Variants in PHKB observed in about 807,000 individuals in gnomAD.
The protein encoded by PHKB is phosphorylase kinase regulatory subunit beta.
Under a neutral mutation model 152.1 loss-of-function variants are expected in PHKB, and 122 were observed. The observed-to-expected ratio is 0.80, with a 90% CI of 0.69 to 0.93. The LOEUF (loss-of-function observed/expected upper bound fraction) is 0.93, where lower values mean the gene tolerates loss of function less well. PHKB is among the 40% of genes least tolerant of loss of function. PHKB has a pLI of 0.00. For missense variants in PHKB, 1,304 were observed against 1,328.4 expected, an observed-to-expected ratio of 0.98 and a Z score of 0.29; for synonymous variants, 436 against 464.9, an observed-to-expected ratio of 0.94 and a Z score of 0.80.
At chr16:47,479,429 C>G (rs751144732) in intron 1 of PHKB, among the ~76,000 whole-genome samples, 5 of 152,010 alleles carry the variant, frequency 3.3e-5, no homozygotes, top group Admixed American at 6.6e-5. Context: ...ATCTCACACC[C>G]TCTCTTCTTC....
At chr16:47,491,087 A>G (rs140764697) in intron 1 of PHKB, among the ~76,000 whole-genome samples, 1 of 152,326 alleles carries the variant, frequency 6.6e-6, no homozygotes, top group African/African-American at 2.4e-5. Flanking sequence ...ATGTGTTTTA[A>G]TGGTACCTCC....
At position 47,664,973 on chromosome 16, in the gene PHKB, C is replaced by T. The variant is rs763953566; in HGVS notation, c.2425C>T (p.Gln809Ter). ...TACTACTTTTCTGGTACATGGGAAA[C>T]AGGTAACATGCACAGAATTTGAAAA... ...HITTFLVHGK[Q>*]VTLGAFGHEE... Residue 809 changes from glutamine (Q) to a stop codon, truncating the protein, a stop_gained and splice_region_variant, in exon 25 of 31, where the codon CAG becomes TAG. Coordinates refer to ENST00000323584, the MANE Select transcript of PHKB (RefSeq NM_000293.3). LOFTEE classifies it high-confidence loss of function. 6.2e-7 allele frequency: 1 copy of T among 1,600,420 alleles called. No individual in the cohort carries two copies. Among genetic ancestry groups the T allele is most frequent in the Non-Finnish European group, 8.6e-7 (1 of 1,167,568 alleles).
chr16:47,546,851 C>T (rs1050075862), intron 6 of PHKB, among the ~76,000 whole-genome samples: 11 of 152,134 alleles, frequency 7.2e-5, no homozygotes, highest in Admixed American at 4.6e-4. Context: ...CCGTGCAGTT[C>T]GATCTCGGAC....
chr16:47,471,072 A>G (rs2342693), intron 1 of PHKB, among the ~76,000 whole-genome samples: 150,379 of 152,288 alleles, frequency 0.99, 74,270 homozygotes, highest in East Asian at 1. Context: ...TTAAGTGGTT[A>G]CTTAACACCA....
intron 14 of PHKB, among the ~76,000 whole-genome samples, chr16:47,617,239 AAT>A (rs1267990913): frequency 6.8e-6 from 1 of 147,986 alleles, no homozygotes; most frequent in Non-Finnish European, 1.5e-5. Flanking sequence ...ATGTATATAA[AAT>A]ATATAATATT....
intron 14 of PHKB, among the ~76,000 whole-genome samples, chr16:47,616,127 C>G (rs1009446499): frequency 3.3e-5 from 5 of 151,990 alleles, no homozygotes; most frequent in African/African-American, 1.2e-4. Flanking sequence ...GATTATCATT[C>G]CAGTTTCTTC....
chr16:47,549,207 A>G (rs1173501299), intron 7 of PHKB, among the ~76,000 whole-genome samples: 2 of 152,226 alleles, frequency 1.3e-5, no homozygotes, highest in African/African-American at 2.4e-5. Context: ...TAAGTTCTCA[A>G]CATTCCAGAT....
chr16:47,530,083 AC>A (rs926575447), intron 6 of PHKB, among the ~76,000 whole-genome samples: 1 of 150,854 alleles, frequency 6.6e-6, no homozygotes, highest in African/African-American at 2.4e-5. Context: ...TTAGAATCAG[AC>A]CCTTTAGTTT....
chr16:47,499,750 T>C lies in PHKB; in HGVS notation c.167-6T>C. 3.7e-6 allele frequency: 6 copies of C among 1,614,120 alleles called. No homozygotes were observed. Among genetic ancestry groups the C allele is most frequent in the Non-Finnish European group, 4.2e-6 (5 of 1,179,952 alleles). On this transcript the variant is annotated splice_polypyrimidine_tract_variant and splice_region_variant and intron_variant, in intron 2 of 30. Transcript: ENST00000323584. ...AGTTCATTCTTTGTCTTGTCCTCAATTGCAGTCAAGTCAACATTGCTGCTG... is the reference window on the plus strand; with the variant it reads ...AGTTCATTCTTTGTCTTGTCCTCAACTGCAGTCAAGTCAACATTGCTGCTG...
intron 26 of PHKB, chr16:47,675,500 TACAC>T (rs34033481): frequency 1.1e-4 from 15 of 140,988 alleles, no homozygotes; most frequent in East Asian, 6.3e-4. Flanking sequence ...CACACACACG[TACAC>T]ACACACACAC....
At chr16:47,543,731 G>A (rs994564267) in intron 6 of PHKB, among the ~76,000 whole-genome samples, 1 of 152,132 alleles carries the variant, frequency 6.6e-6, no homozygotes, top group Non-Finnish European at 1.5e-5. Context: ...AGTCATGGGA[G>A]GCTGTAGGTC....
intron 7 of PHKB, among the ~76,000 whole-genome samples, chr16:47,577,672 ACT>A (rs988043961): frequency 5.9e-5 from 9 of 151,892 alleles, no homozygotes; most frequent in Admixed American, 2.6e-4. Context: ...ATCACTGGAA[ACT>A]CTTGTGCCAC....
intron 25 of PHKB, 83 bp downstream of exon 25, chr16:47,665,058 G>A: frequency 1.2e-6 from 1 of 851,280 alleles, no homozygotes; most frequent in Non-Finnish European, 2.0e-6. Context: ...ATGTCTTTTG[G>A]TCTTATAGTG....
chr16:47,655,083 A>C (rs1973311251), intron 20 of PHKB, among the ~76,000 whole-genome samples: 1 of 152,208 alleles, frequency 6.6e-6, no homozygotes, highest in African/African-American at 2.4e-5. Context: ...AAAATTGAGA[A>C]GTCAGTGAAA....
intron 1 of PHKB, among the ~76,000 whole-genome samples, chr16:47,494,768 G>T (rs542156527): frequency 2.0e-5 from 3 of 152,130 alleles, no homozygotes; most frequent in Non-Finnish European, 4.4e-5. Context: ...AATTTGCTTT[G>T]GGAATTCATG....
At chr16:47,563,379 A>G (rs971846305) in intron 7 of PHKB, among the ~76,000 whole-genome samples, 7 of 152,136 alleles carry the variant, frequency 4.6e-5, no homozygotes, top group African/African-American at 1.7e-4. Context: ...ATGGAACTGC[A>G]GAATGAATGT....
At chr16:47,567,110 T>G (rs556028517) in intron 7 of PHKB, among the ~76,000 whole-genome samples, 1 of 152,312 alleles carries the variant, frequency 6.6e-6, no homozygotes, top group South Asian at 2.1e-4. Context: ...TAGGATTGTT[T>G]TTTTCTAAAT....
chr16:47,510,051 G>C (rs1970483904), intron 4 of PHKB, among the ~76,000 whole-genome samples: 1 of 152,200 alleles, frequency 6.6e-6, no homozygotes, highest in African/African-American at 2.4e-5. Context: ...ACTATTACCA[G>C]TTTGTTTTAA....
chr16:47,499,714 G>A (rs549727548), intron 2 of PHKB, 42 bp from the exon 3 acceptor site: 93 of 1,612,498 alleles, frequency 5.8e-5, no homozygotes, highest in Admixed American at 5.2e-4. Context: ...AAGGAAAGTC[G>A]CTGACTGTAC....
Sources: gnomAD v4.1 joint callset for allele counts (sites outside exome capture counted in the v4.1 genomes callset) on GRCh38, gnomAD v4.1.1 for gene constraint, MANE v1.5 for transcripts, NCBI Gene and HGNC (gene_info 2026-07-23, HGNC 2026-07-21) for gene names.